Variants in NAP1L4 observed in about 807,000 individuals in gnomAD.
NAP1L4 encodes the protein nucleosome assembly protein 1-like 4.
A neutral mutation model predicts 58.2 loss-of-function variants in NAP1L4; 15 were observed. The ratio of observed to expected loss-of-function variants is 0.26; its 90% CI spans 0.17 to 0.40. The LOEUF (loss-of-function observed/expected upper bound fraction) is 0.40. NAP1L4 is among the 10% of genes least tolerant of loss of function. The pLI, the probability that NAP1L4 is intolerant of heterozygous loss-of-function variation, is 1.00. For missense variants in NAP1L4, 384 were observed against 451.1 expected, an observed-to-expected ratio of 0.85 and a Z score of 1.35; for synonymous variants, 171 against 155.6, an observed-to-expected ratio of 1.10 and a Z score of -0.74.
chr11:2,960,710 A>G (rs568484383), intron 8 of NAP1L4, among the ~76,000 whole-genome samples: 1 of 152,328 alleles, frequency 6.6e-6, no homozygotes, highest in South Asian at 2.1e-4. Context: ...AAAAAAATTA[A>G]ATTAAAAGGC....
At chr11:2,977,285 G>T (rs1241597097) in intron 3 of NAP1L4, among the ~76,000 whole-genome samples, 5 of 152,236 alleles carry the variant, frequency 3.3e-5, no homozygotes, top group Non-Finnish European at 5.9e-5. Context: ...TAACAGAGAA[G>T]TCTGGCAGGC....
Position 2,971,233 on chromosome 11 carries a change from A to G in NAP1L4, c.402+215T>C, listed in dbSNP as rs1178572069. Among the ~76,000 whole-genome samples, 1 of 152,218 alleles carries G rather than the reference A, an allele frequency of 6.6e-6. No homozygotes were observed. The highest frequency in any genetic ancestry group is 1.5e-5 in the Non-Finnish European group (1 of 68,040). ...TATTTCAATATGCTCCTGTCCACAG[A>G]TAACTGAGGTGGCACTACATCTTAC... On this transcript the variant is annotated intron_variant, in intron 6 of 15. Coordinates refer to ENST00000380542, the MANE Select transcript of NAP1L4 (RefSeq NM_005969.4). This position sits in a 1 kb window ranked among gnomAD's most constrained non-coding sequence, Gnocchi z 4.2.
At chr11:2,984,388 C>T (rs1293925232) in intron 1 of NAP1L4, among the ~76,000 whole-genome samples, 1 of 152,040 alleles carries the variant, frequency 6.6e-6, no homozygotes, top group Non-Finnish European at 1.5e-5. Context: ...GCCTGACCAA[C>T]ACGGAGAAAC....
chr11:2,987,334 G>A (rs575768477), intron 1 of NAP1L4, among the ~76,000 whole-genome samples: 2 of 151,610 alleles, frequency 1.3e-5, no homozygotes, highest in South Asian at 2.1e-4. Flanking sequence ...GTGGAGTCTC[G>A]CTCTGTCACC....
chr11:2,978,151 T>A (rs991467550), intron 3 of NAP1L4, 133 bp downstream of exon 3: 93 of 784,426 alleles, frequency 1.2e-4, no homozygotes, highest in Non-Finnish European at 1.8e-4. Flanking sequence ...AGATACTGAT[T>A]TTTCATTTTA....
At position 2,945,534 on chromosome 11, in the gene NAP1L4, G is replaced by C; in HGVS notation, c.*145C>G. The C allele has an allele frequency of 2.3e-6, 3 of 1,311,004 alleles. No homozygotes were observed. The highest frequency in any genetic ancestry group is 3.2e-6 in the Non-Finnish European group (3 of 948,092). 81.2% of individuals were successfully genotyped at this position (1,311,004 alleles called of 1,614,324 possible). A position where few individuals can be genotyped will look rare whatever the true frequency, so the allele number is the denominator to read the frequency against. ...TAAGCTCTGTCCACGGGATTGTGCT[G>C]CGGCAAGGACCGAGGCCCCGCCCAC... On this transcript the variant is annotated 3_prime_UTR_variant, in exon 16 of 16. Coordinates refer to ENST00000380542, the MANE Select transcript of NAP1L4 (RefSeq NM_005969.4).
intron 4 of NAP1L4, 78 bp from the exon 5 acceptor site, chr11:2,972,321 A>C: frequency 7.4e-7 from 1 of 1,343,814 alleles, no homozygotes; most frequent in Non-Finnish European, 9.9e-7. Context: ...TATTAAAATA[A>C]ATTTAGGTTA....
At chr11:2,981,195 A>G (rs1408277910) in intron 1 of NAP1L4, among the ~76,000 whole-genome samples, 2 of 150,720 alleles carry the variant, frequency 1.3e-5, no homozygotes, top group African/African-American at 4.9e-5. Flanking sequence ...CTGAAATAAC[A>G]CCACTGCACT....
chr11:2,966,236 C>T (rs1182415935), intron 7 of NAP1L4, among the ~76,000 whole-genome samples: 1 of 152,146 alleles, frequency 6.6e-6, no homozygotes, highest in Non-Finnish European at 1.5e-5. Flanking sequence ...TTTTGATGCA[C>T]GTACACAATG....
chr11:2,977,585 C>T lies in NAP1L4; in HGVS notation c.73+699G>A, dbSNP rs536529104. On this transcript the variant is annotated intron_variant, in intron 3 of 15. Transcript: ENST00000380542. ...ATGATCCTTGAATAGGTGCTAGATT[C>T]GGGCGTGGGGTAAAAATTGCTGAGA... 5.3e-5 allele frequency among the ~76,000 whole-genome samples: 8 copies of T among 152,184 alleles called. No individual in the cohort carries two copies. The East Asian group carries it at 1.5e-3, about 29-fold the overall frequency.
Position 2,959,014 on chromosome 11 carries a change from GAGCAC to G in NAP1L4, c.747-475_747-471del. On this transcript the variant is annotated intron_variant, in intron 9 of 15. Transcript: ENST00000380542. The surrounding 1 kb of genome is among the most constrained non-coding windows in gnomAD (Gnocchi z 4.9). Reference sequence around the variant, plus strand: ...AGCCCCAGGGATGCTGGCGAGGGCTGAGCACAGCACGCTCTCTCTAACACACAATC... The same window carrying G: ...AGCCCCAGGGATGCTGGCGAGGGCTGAGCACGCTCTCTCTAACACACAATC... 1.1e-5 allele frequency: 2 copies of G among 174,700 alleles called. No individual in the cohort carries two copies. The highest frequency in any genetic ancestry group is 3.1e-4 in the East Asian group (2 of 6,462). The allele number at this position is 174,700 out of a possible 1,614,324, so 10.8% of individuals were successfully genotyped here. A position where few individuals can be genotyped will look rare whatever the true frequency, so the allele number is the denominator to read the frequency against.
At chr11:2,975,152 T>TAA (rs376072968) in intron 4 of NAP1L4, among the ~76,000 whole-genome samples, 41,854 of 142,304 alleles carry the variant, frequency 0.29, 7,034 homozygotes, top group East Asian at 0.67. Context: ...CTCATCCCTT[T>TAA]AAAAAAAAAA....
At chr11:2,974,644 C>T (rs1255512952) in intron 4 of NAP1L4, among the ~76,000 whole-genome samples, 2 of 152,148 alleles carry the variant, frequency 1.3e-5, no homozygotes, top group African/African-American at 2.4e-5. Context: ...GCCTATAATC[C>T]CAGCACTTTG....
chr11:2,954,871 A>C lies in NAP1L4; in HGVS notation c.916-225T>G. On this transcript the variant is annotated intron_variant, in intron 11 of 15. Transcript: ENST00000380542. This position sits in a 1 kb window ranked among gnomAD's most constrained non-coding sequence, Gnocchi z 4.8. ...AAAATGGCAGAGAAAGTGGGAAGTG[A>C]GGGCCCTACAGCTCCACAACTTGTC... The C allele has an allele frequency of 1.7e-6, 1 of 587,470 alleles. No individual in the cohort carries two copies. Among genetic ancestry groups the C allele is most frequent in the South Asian group, 2.0e-5 (1 of 50,458 alleles). 36.4% of individuals were successfully genotyped at this position (587,470 alleles called of 1,614,324 possible).
chr11:2,958,312 TA>T, intron 10 of NAP1L4, 86 bp downstream of exon 10: 1 of 1,390,634 alleles, frequency 7.2e-7, no homozygotes, highest in Non-Finnish European at 1.0e-6. Context: ...AAAAGAGGAC[TA>T]AAGTCTCTGG....
At position 2,979,113 on chromosome 11, in the gene NAP1L4, T is replaced by C. The variant is rs546150319; in HGVS notation, c.14+94A>G. ...CATCAGCTAGACGCTGAAATGCATT[T>C]AACTTTGATTCTAATTATTTATTGA... On this transcript the variant is annotated intron_variant, in intron 2 of 15. Transcript: ENST00000380542. 7.6e-6 allele frequency: 10 copies of C among 1,316,478 alleles called. No homozygotes were observed. In the East Asian group the frequency reaches 2.3e-4, roughly 31 times the overall value. 81.5% of individuals were successfully genotyped at this position (1,316,478 alleles called of 1,614,324 possible).
Position 2,955,628 on chromosome 11 carries a change from TG to T in NAP1L4, c.915+115del, listed in dbSNP as rs1425650273. The T allele has an allele frequency of 3.0e-6, 3 of 994,144 alleles. No homozygotes were observed. The East Asian group carries it at 7.3e-5, about 24-fold the overall frequency. 61.6% of individuals were successfully genotyped at this position (994,144 alleles called of 1,614,324 possible). A position where few individuals can be genotyped will look rare whatever the true frequency, so the allele number is the denominator to read the frequency against. On this transcript the variant is annotated intron_variant, in intron 11 of 15. Coordinates refer to ENST00000380542, the MANE Select transcript of NAP1L4 (RefSeq NM_005969.4). This position sits in a 1 kb window ranked among gnomAD's most constrained non-coding sequence, Gnocchi z 4.2. ...CAGCCTCCCAAAGCATTAAGATCAC[TG>T]GCATACCCAGTCCACACACAGCCAG...
Position 2,978,411 on chromosome 11 carries a change from T to C in NAP1L4, c.15-69A>G. ...TCCAAAGACATAGCACAAATGGACA[T>C]GTTTCTTATTCAATATATTAAGAGG... On this transcript the variant is annotated intron_variant, in intron 2 of 15. Coordinates refer to ENST00000380542, the MANE Select transcript of NAP1L4 (RefSeq NM_005969.4). 3.5e-6 allele frequency: 5 copies of C among 1,420,776 alleles called. No homozygotes were observed. In the South Asian group the frequency reaches 4.8e-5, roughly 14 times the overall value. The allele number at this position is 1,420,776 out of a possible 1,614,324, so 88.0% of individuals were successfully genotyped here.
chr11:2,989,439 ACCTTCTTGCCCACAAAGTATTTTTCTT>A (rs1415728111), intron 1 of NAP1L4, among the ~76,000 whole-genome samples: 1 of 152,178 alleles, frequency 6.6e-6, no homozygotes, highest in Non-Finnish European at 1.5e-5. Flanking sequence ...AATTTAAATC[ACCTTCTTGCCCACAAAGTATTTTTCTT>A]CCAAAACAAA....
Sources: allele counts gnomAD v4.1 joint callset (sites outside exome capture counted in the v4.1 genomes callset), GRCh38; gene constraint gnomAD v4.1.1; non-coding constraint Gnocchi (gnomAD v3.1); transcripts MANE v1.5; gene names NCBI Gene and HGNC (gene_info 2026-07-23, HGNC 2026-07-21).